Variants in SGIP1 observed in about 807,000 individuals in gnomAD.
The protein encoded by SGIP1 is SH3-containing GRB2-like protein 3-interacting protein 1.
Under a neutral mutation model 107.5 loss-of-function variants are expected in SGIP1, and 38 were observed. The observed-to-expected ratio is 0.35, with a 90% CI of 0.27 to 0.46. The LOEUF (loss-of-function observed/expected upper bound fraction) is 0.46, where lower values mean the gene tolerates loss of function less well. Ranked by LOEUF, SGIP1 falls within the 20% of genes least tolerant of loss-of-function variation. The probability of loss-of-function intolerance (pLI) is 1.00; values close to 1 mark genes in which losing one functional copy is unlikely to be tolerated. For missense variants in SGIP1, 929 were observed against 1,019.5 expected, an observed-to-expected ratio of 0.91 and a Z score of 1.21; for synonymous variants, 365 against 366.1, an observed-to-expected ratio of 1.00 and a Z score of 0.03.
intron 1 of SGIP1, among the ~76,000 whole-genome samples, chr1:66,560,079 C>A (rs1001134306): frequency 6.6e-6 from 1 of 151,984 alleles, no homozygotes; most frequent in Non-Finnish European, 1.5e-5. Flanking sequence ...TCAAGAAGAG[C>A]AATACACCAA....
At position 66,534,250 on chromosome 1, in the gene SGIP1, C is replaced by A; in HGVS notation, c.-109C>A. ...TATCTCCTTTGGCTTTGACAGCGGA[C>A]GGAATAGACCTCAGCAGCGGCGTGG... On this transcript the variant is annotated 5_prime_UTR_variant, in exon 1 of 25. Coordinates refer to ENST00000371037, the MANE Select transcript of SGIP1 (RefSeq NM_032291.4). 1.7e-6 allele frequency: 2 copies of A among 1,179,730 alleles called. No individual in the cohort carries two copies. Among genetic ancestry groups the A allele is most frequent in the Non-Finnish European group, 2.5e-6 (2 of 788,772 alleles). The allele number at this position is 1,179,730 out of a possible 1,614,324, so 73.1% of individuals were successfully genotyped here.
chr1:66,723,327 A>G (rs1273037116), intron 19 of SGIP1, among the ~76,000 whole-genome samples: 1 of 152,202 alleles, frequency 6.6e-6, no homozygotes, highest in East Asian at 1.9e-4. Context: ...ATTTTTATAT[A>G]CTATGATATG....
upstream of SGIP1, chr1:66,533,783 G>A (rs1345464967): frequency 2.6e-5 from 4 of 152,640 alleles, no homozygotes; most frequent in African/African-American, 7.2e-5. Context: ...GAAAGAAAAA[G>A]AAAAGAACCC....
intron 19 of SGIP1, among the ~76,000 whole-genome samples, chr1:66,720,675 A>G (rs1229860408): frequency 6.6e-6 from 1 of 152,192 alleles, no homozygotes; most frequent in East Asian, 1.9e-4. Context: ...GCAGTGAGCC[A>G]TGATCACACC....
chr1:66,581,366 A>G (rs1428511124), intron 1 of SGIP1, among the ~76,000 whole-genome samples: 1 of 152,054 alleles, frequency 6.6e-6, no homozygotes, highest in East Asian at 1.9e-4. Context: ...TCCCTAGCTC[A>G]TGGTGTTAAT....
At position 66,638,264 on chromosome 1, in the gene SGIP1, A is replaced by G. The variant is rs140711651; in HGVS notation, c.172-1513A>G. ...AGCCCTGTCTATTCCCAAGTGAGAG[A>G]ATAATTTTTATTAAGTGGTACATTA... is the stretch of plus-strand genomic sequence containing the variant. On this transcript the variant is annotated intron_variant, in intron 4 of 24. Coordinates refer to ENST00000371037, the MANE Select transcript of SGIP1 (RefSeq NM_032291.4). Among the ~76,000 whole-genome samples the G allele has an allele frequency of 5.1e-3, 771 of 152,302 alleles. 6 individuals are homozygous for G. Among genetic ancestry groups the G allele is most frequent in the African/African-American group, 0.018 (735 of 41,564 alleles).
intron 1 of SGIP1, among the ~76,000 whole-genome samples, chr1:66,614,459 A>T (rs182087047): frequency 1.3e-5 from 2 of 152,326 alleles, no homozygotes; most frequent in African/African-American, 4.8e-5. Flanking sequence ...TGCAAACAGG[A>T]TCACTCTACA....
At chr1:66,645,244 C>A (rs998326391) in intron 7 of SGIP1, among the ~76,000 whole-genome samples, 1 of 152,158 alleles carries the variant, frequency 6.6e-6, no homozygotes, top group Non-Finnish European at 1.5e-5. Flanking sequence ...GGCACAGTCC[C>A]AGAAACATAG....
At chr1:66,628,677 C>G (rs2073547337) in intron 2 of SGIP1, among the ~76,000 whole-genome samples, 2 of 152,222 alleles carry the variant, frequency 1.3e-5, no homozygotes, top group Admixed American at 1.3e-4. Flanking sequence ...TGAACAACCT[C>G]TACAGGGCAG....
intron 1 of SGIP1, among the ~76,000 whole-genome samples, chr1:66,547,122 T>C (rs2148177648): frequency 6.6e-6 from 1 of 152,320 alleles, no homozygotes; most frequent in South Asian, 2.1e-4. Flanking sequence ...GGGTTAGATA[T>C]TTTGAAGGCA....
chr1:66,540,017 G>C (rs2054536938), intron 1 of SGIP1, among the ~76,000 whole-genome samples: 1 of 151,990 alleles, frequency 6.6e-6, no homozygotes, highest in Non-Finnish European at 1.5e-5. Context: ...TTTATTAATT[G>C]AATAAGTGAA....
At chr1:66,559,256 A>G (rs550874822) in intron 1 of SGIP1, among the ~76,000 whole-genome samples, 2 of 152,130 alleles carry the variant, frequency 1.3e-5, no homozygotes, top group East Asian at 3.9e-4. Context: ...GGCTGATGCT[A>G]TTGGTTCATA....
chr1:66,671,880 G>A (rs2083903781), intron 10 of SGIP1, 64 bp from the exon 11 acceptor site: 3 of 1,470,158 alleles, frequency 2.0e-6, no homozygotes, highest in African/African-American at 1.4e-5. Flanking sequence ...CCAAACATAG[G>A]TTATAAGACA....
intron 1 of SGIP1, among the ~76,000 whole-genome samples, chr1:66,578,839 T>C (rs1044253881): frequency 1.3e-5 from 2 of 152,140 alleles, no homozygotes; most frequent in Admixed American, 6.5e-5. Flanking sequence ...ACCCGACTAA[T>C]TTTGTATTTT....
chr1:66,620,785 T>C (rs1479132559), intron 1 of SGIP1, among the ~76,000 whole-genome samples: 1 of 152,240 alleles, frequency 6.6e-6, no homozygotes, highest in Non-Finnish European at 1.5e-5. Flanking sequence ...AAGAGTTTCA[T>C]GAAACAGTAT....
At chr1:66,698,379 C>CTTTTTTTTTTTTTT in intron 18 of SGIP1, among the ~76,000 whole-genome samples, 1 of 137,302 alleles carries the variant, frequency 7.3e-6, no homozygotes, top group Non-Finnish European at 1.6e-5. Context: ...ATGGTGATGA[C>CTTTTTTTTTTTTTT]TTTTTTTTTT....
chr1:66,605,393 T>TA (rs2066629794), intron 1 of SGIP1, among the ~76,000 whole-genome samples: 1 of 151,928 alleles, frequency 6.6e-6, no homozygotes, highest in Non-Finnish European at 1.5e-5. Flanking sequence ...TAGAGAAATT[T>TA]AAAAAATTAT....
At position 66,677,016 on chromosome 1, in the gene SGIP1, A is replaced by C; in HGVS notation, c.659A>C (p.Gln220Pro). 1 of 1,610,916 alleles carries C rather than the reference A, an allele frequency of 6.2e-7. No individual in the cohort carries two copies. The highest frequency in any genetic ancestry group is 8.5e-7 in the Non-Finnish European group (1 of 1,179,232). ...DEQKTEVLLD[Q>P]PEIWGSGQPI... ...TTTTTGTTTCCAGTTCTTTTAGATC[A>C]GCCTGAGATATGGGGTTCAGGCCAA... The change falls in exon 13 of 25, where the codon CAG (glutamine) becomes CCG (proline). Residue 220 changes from glutamine to proline, a missense_variant. Around this residue, in one of 2 missense-constraint regions of SGIP1, gnomAD observed 588 missense variants for 588.6 expected, o/e 1.00. Transcript: ENST00000371037.
At chr1:66,693,626 G>C (rs905765745) in intron 17 of SGIP1, among the ~76,000 whole-genome samples, 1 of 152,126 alleles carries the variant, frequency 6.6e-6, no homozygotes, top group African/African-American at 2.4e-5. Flanking sequence ...GTAATAGTAT[G>C]CATAAGACCT....
Sources: allele counts gnomAD v4.1 joint callset (sites outside exome capture counted in the v4.1 genomes callset), GRCh38; gene constraint gnomAD v4.1.1; regional missense constraint gnomAD v4.1.1; transcripts MANE v1.5; gene names NCBI Gene and HGNC (gene_info 2026-07-23, HGNC 2026-07-21).